Variants in SV2C observed in about 807,000 individuals in gnomAD.
The protein encoded by SV2C is solute carrier family 22 member B3.
A neutral mutation model predicts 79.7 loss-of-function variants in SV2C; 49 were observed. The observed-to-expected ratio is 0.61, with a 90% CI of 0.49 to 0.78. The LOEUF (loss-of-function observed/expected upper bound fraction) is 0.78. SV2C is among the 30% of genes least tolerant of loss of function. The pLI is 0.00. For missense variants in SV2C, 833 were observed against 912.9 expected (o/e 0.91, Z 1.13); for synonymous variants, 334 against 333.2 (o/e 1.00, Z -0.03).
chr5:76,347,314 T>C (rs1580092837), intron 12 of SV2C, among the ~76,000 whole-genome samples: 2 of 152,168 alleles, frequency 1.3e-5, no homozygotes, highest in Admixed American at 1.3e-4. Context: ...GGAGAGGGAC[T>C]AGGCTGTGAG....
chr5:75,914,589 G>C, the SV2C span, among the ~76,000 whole-genome samples: 1 of 152,184 alleles, frequency 6.6e-6, no homozygotes, highest in Non-Finnish European at 1.5e-5. Context: ...AATTGGTTCA[G>C]TGAAGGTGTA....
chr5:75,884,158 T>C, the SV2C span, among the ~76,000 whole-genome samples: 1 of 152,170 alleles, frequency 6.6e-6, no homozygotes, highest in Non-Finnish European at 1.5e-5. Flanking sequence ...GAACTAACCA[T>C]GCTCCCTGGG....
At chr5:75,929,129 G>T in the SV2C span, among the ~76,000 whole-genome samples, 1 of 151,698 alleles carries the variant, frequency 6.6e-6, no homozygotes, top group Non-Finnish European at 1.5e-5. Context: ...TCCAATCCTG[G>T]CCCAACTAGA....
chr5:76,230,782 CTG>C (rs1745391061), intron 4 of SV2C, among the ~76,000 whole-genome samples: 1 of 148,812 alleles, frequency 6.7e-6, no homozygotes, highest in African/African-American at 2.6e-5. Flanking sequence ...GAGCAAGACT[CTG>C]TCTCAGAAGA....
At chr5:76,294,883 T>G (rs1472083576) in intron 8 of SV2C, among the ~76,000 whole-genome samples, 1 of 152,138 alleles carries the variant, frequency 6.6e-6, no homozygotes, top group Non-Finnish European at 1.5e-5. Context: ...CTAACTACCT[T>G]GGGAACTGGC....
rs947450714 is a variant in SV2C, at chr5:76,141,976, G to A, written c.580+9646G>A. On this transcript the variant is annotated intron_variant, in intron 2 of 12. Transcript: ENST00000502798. ...GATTTCAGATTATCAGTATGCAGTT[G>A]CACCCTTTCATGTGAAATCTAACAT... Among the ~76,000 whole-genome samples, 3 of 152,074 alleles carry A rather than the reference G, an allele frequency of 2.0e-5. No individual in the cohort carries two copies. The East Asian group carries it at 5.8e-4, about 29-fold the overall frequency.
chr5:76,051,287 A>G, the SV2C span, among the ~76,000 whole-genome samples: 1 of 152,194 alleles, frequency 6.6e-6, no homozygotes, highest in African/African-American at 2.4e-5. Context: ...TTGAAATAAT[A>G]ATACTCAGAG....
At chr5:76,321,356 G>A (rs536959616) in intron 12 of SV2C, among the ~76,000 whole-genome samples, 1 of 152,022 alleles carries the variant, frequency 6.6e-6, no homozygotes, top group South Asian at 2.1e-4. Flanking sequence ...CTTTAACTCA[G>A]TGACAGCCAA....
At chr5:75,973,268 A>G in the SV2C span, among the ~76,000 whole-genome samples, 3 of 151,976 alleles carry the variant, frequency 2.0e-5, no homozygotes, top group Non-Finnish European at 4.4e-5. Context: ...TGGCACATGT[A>G]TACATATGTA....
intron 4 of SV2C, among the ~76,000 whole-genome samples, chr5:76,259,876 T>C (rs1159078258): frequency 6.6e-6 from 1 of 152,220 alleles, no homozygotes; most frequent in East Asian, 1.9e-4. Flanking sequence ...TTCCAAGTCT[T>C]TGCTGTTGTA....
the SV2C span, among the ~76,000 whole-genome samples, chr5:76,005,444 C>T: frequency 1.3e-5 from 2 of 151,960 alleles, no homozygotes; most frequent in Non-Finnish European, 2.9e-5. Context: ...CTCTATATAC[C>T]CTTCATGGTT....
intron 12 of SV2C, among the ~76,000 whole-genome samples, chr5:76,306,195 G>A (rs1748188749): frequency 6.6e-6 from 1 of 152,092 alleles, no homozygotes; most frequent in Non-Finnish European, 1.5e-5. Flanking sequence ...CTACAGATGT[G>A]TATCACCATG....
intron 4 of SV2C, among the ~76,000 whole-genome samples, chr5:76,245,189 C>G (rs908982987): frequency 9.2e-5 from 14 of 152,192 alleles, no homozygotes; most frequent in Non-Finnish European, 1.6e-4. Context: ...TTATAAACTT[C>G]ATGTGGCCAG....
the SV2C span, among the ~76,000 whole-genome samples, chr5:75,964,047 G>A: frequency 1.3e-5 from 2 of 152,010 alleles, no homozygotes; most frequent in Non-Finnish European, 2.9e-5. Context: ...ATCTCTTTGA[G>A]GACATTACAA....
At chr5:76,255,641 C>T (rs1746239822) in intron 4 of SV2C, among the ~76,000 whole-genome samples, 1 of 152,194 alleles carries the variant, frequency 6.6e-6, no homozygotes, top group Non-Finnish European at 1.5e-5. Flanking sequence ...CGTGGGTTGC[C>T]ATCAAGTAAC....
intron 2 of SV2C, among the ~76,000 whole-genome samples, chr5:76,146,797 T>TAAAAAAAAAAAAA (rs34569063): frequency 2.5e-5 from 1 of 39,336 alleles, no homozygotes; most frequent in Non-Finnish European, 4.2e-5. Flanking sequence ...AGTTTTTTTT[T>TAAAAAAAAAAAAA]AAAAAAAAAA....
intron 2 of SV2C, among the ~76,000 whole-genome samples, chr5:76,135,975 C>CAA (rs887204116): frequency 2.0e-5 from 3 of 152,214 alleles, no homozygotes; most frequent in African/African-American, 7.2e-5. Context: ...GCCTCCCACT[C>CAA]ACTGGCTTAT....
At chr5:75,924,892 C>T in the SV2C span, among the ~76,000 whole-genome samples, 7 of 151,344 alleles carry the variant, frequency 4.6e-5, no homozygotes, top group East Asian at 1.4e-3. Context: ...GAAGCTAGTA[C>T]AAAACAAAAG....
At chr5:76,238,191 C>T (rs6865983) in intron 4 of SV2C, among the ~76,000 whole-genome samples, 17,796 of 151,816 alleles carry the variant, frequency 0.12, 3,029 homozygotes, top group African/African-American at 0.38. Flanking sequence ...ATTATCCATC[C>T]CTTTGTCTTT....
Sources: allele counts gnomAD v4.1 joint callset (sites outside exome capture counted in the v4.1 genomes callset), GRCh38; gene constraint gnomAD v4.1.1; transcripts MANE v1.5; gene names NCBI Gene and HGNC (gene_info 2026-07-23, HGNC 2026-07-21).